DLGAP2: variants seen among roughly 807,000 people sequenced by gnomAD.
DLGAP2 encodes DLG associated protein 2.
DLGAP2 carries 26 observed loss-of-function variants against 100.3 expected under a neutral mutation model. That is an observed-to-expected ratio of 0.26 (90% CI 0.19 to 0.36). The LOEUF (loss-of-function observed/expected upper bound fraction) is 0.36. Among genes scored for constraint, DLGAP2 ranks in the 10% least tolerant of loss-of-function variants. The probability of loss-of-function intolerance (pLI) is 1.00; values close to 1 mark genes in which losing one functional copy is unlikely to be tolerated. For missense variants in DLGAP2, 1,858 were observed against 1,453.2 expected (o/e 1.28, Z -4.53); for synonymous variants, 886 against 630.1 (o/e 1.41, Z -6.08).
intron 3 of DLGAP2, among the ~76,000 whole-genome samples, chr8:1,358,125 A>C (rs922566159): frequency 3.9e-5 from 6 of 152,198 alleles, no homozygotes; most frequent in Non-Finnish European, 2.9e-5. Context: ...GAAGATTGTA[A>C]AATAAAAGAG....
At chr8:988,997 C>A (rs780334177) in intron 2 of DLGAP2, among the ~76,000 whole-genome samples, 26 of 152,192 alleles carry the variant, frequency 1.7e-4, no homozygotes, top group Non-Finnish European at 2.9e-4. Flanking sequence ...GCCTGCACTG[C>A]CTCCGCTCGC....
At chr8:1,132,617 C>T (rs1024910391) in intron 2 of DLGAP2, among the ~76,000 whole-genome samples, 3 of 152,180 alleles carry the variant, frequency 2.0e-5, no homozygotes, top group East Asian at 1.9e-4. Context: ...ATGCTCACAC[C>T]GAAGTTTTGG....
At chr8:1,648,834 G>C (rs934401687) in intron 8 of DLGAP2, among the ~76,000 whole-genome samples, 1 of 152,176 alleles carries the variant, frequency 6.6e-6, no homozygotes, top group African/African-American at 2.4e-5. Flanking sequence ...GGATATCGTG[G>C]GGTTGGCTTC....
chr8:1,691,048 T>A lies in DLGAP2; in HGVS notation c.2705-487T>A, dbSNP rs143275490. ...CCAGGAGATAACTGCCCACAGTTCA[T>A]TAGAAATTATTTAATTGAATCCAAT... On this transcript the variant is annotated intron_variant, in intron 12 of 14. Coordinates refer to ENST00000637795, the MANE Select transcript of DLGAP2 (RefSeq NM_001346810.2). 7.4e-3 allele frequency among the ~76,000 whole-genome samples: 1,127 copies of A among 152,306 alleles called. 15 individuals are homozygous for A. The highest frequency in any genetic ancestry group is 0.025 in the African/African-American group (1,048 of 41,560).
At chr8:1,169,874 T>A (rs1264453124) in intron 2 of DLGAP2, among the ~76,000 whole-genome samples, 1 of 151,926 alleles carries the variant, frequency 6.6e-6, no homozygotes, top group Non-Finnish European at 1.5e-5. Context: ...TAACCTTTAT[T>A]TCCTTCTCCT....
At chr8:843,926 C>T (rs941580680) in intron 1 of DLGAP2, among the ~76,000 whole-genome samples, 1 of 152,152 alleles carries the variant, frequency 6.6e-6, no homozygotes, top group African/African-American at 2.4e-5. Context: ...GTTTTAGACA[C>T]ACTTTAATGG....
chr8:1,183,005 GTGTGT>G (rs1797423947), intron 2 of DLGAP2, among the ~76,000 whole-genome samples: 3 of 152,212 alleles, frequency 2.0e-5, no homozygotes, highest in Admixed American at 2.0e-4. Context: ...GTTCCTGGAA[GTGTGT>G]CACTGCCAGT....
chr8:1,019,295 C>T (rs574416397), intron 2 of DLGAP2: 4 of 152,256 alleles, frequency 2.6e-5, no homozygotes, highest in African/African-American at 7.2e-5. Context: ...AAGCCTCTCT[C>T]TGTGGTGGTT....
At chr8:752,477 C>T (rs1820816098) in intron 1 of DLGAP2, among the ~76,000 whole-genome samples, 1 of 152,154 alleles carries the variant, frequency 6.6e-6, no homozygotes, top group African/African-American at 2.4e-5. Context: ...TGCCGCCAGG[C>T]AGAGGCCTGA....
At chr8:760,095 C>T (rs1175013773) in intron 1 of DLGAP2, among the ~76,000 whole-genome samples, 1 of 152,220 alleles carries the variant, frequency 6.6e-6, no homozygotes, top group African/African-American at 2.4e-5. Flanking sequence ...CCCTGCAGAG[C>T]TGACTGCTGC....
At chr8:1,292,467 G>T (rs1800081374) in intron 3 of DLGAP2, among the ~76,000 whole-genome samples, 1 of 152,162 alleles carries the variant, frequency 6.6e-6, no homozygotes, top group Non-Finnish European at 1.5e-5. Flanking sequence ...TGATCAACTT[G>T]ACTTCTCAGG....
At chr8:1,221,090 C>G (rs146779117) in intron 2 of DLGAP2, among the ~76,000 whole-genome samples, 104 of 152,132 alleles carry the variant, frequency 6.8e-4, no homozygotes, top group Middle Eastern at 6.8e-3. Flanking sequence ...GGGTGTTTAG[C>G]CTGTTTATAT....
chr8:1,566,774 A>G (rs1802420876), intron 6 of DLGAP2, among the ~76,000 whole-genome samples: 1 of 152,242 alleles, frequency 6.6e-6, no homozygotes, highest in Non-Finnish European at 1.5e-5. Context: ...AACCTCTTCC[A>G]ATACATCTAG....
At chr8:1,271,465 G>A (rs1015881350) in intron 3 of DLGAP2, among the ~76,000 whole-genome samples, 1 of 152,110 alleles carries the variant, frequency 6.6e-6, no homozygotes, top group African/African-American at 2.4e-5. Context: ...CACTTCATGT[G>A]TCTTGCCCCA....
chr8:1,088,807 C>G (rs551675868), intron 2 of DLGAP2, among the ~76,000 whole-genome samples: 3 of 91,268 alleles, frequency 3.3e-5, no homozygotes, highest in African/African-American at 1.3e-4. Flanking sequence ...ACCCCACTCT[C>G]TCCACCCCTC....
chr8:1,174,902 G>A (rs1347927162), intron 2 of DLGAP2, among the ~76,000 whole-genome samples: 1 of 152,136 alleles, frequency 6.6e-6, no homozygotes, highest in African/African-American at 2.4e-5. Flanking sequence ...CAGGCAGGAG[G>A]CAGCTCTGAG....
chr8:1,648,596 C>G (rs1798095371), intron 8 of DLGAP2, among the ~76,000 whole-genome samples: 1 of 152,084 alleles, frequency 6.6e-6, no homozygotes, highest in Non-Finnish European at 1.5e-5. Flanking sequence ...CCCCAGGTCC[C>G]CTTCTGCATG....
chr8:1,430,015 T>TATAC (rs1797374906), intron 3 of DLGAP2, among the ~76,000 whole-genome samples: 1 of 90,768 alleles, frequency 1.1e-5, no homozygotes, highest in African/African-American at 4.5e-5. Context: ...TACATATATA[T>TATAC]ATATATATAT....
chr8:1,576,354 G>A (rs1802977817), intron 6 of DLGAP2, among the ~76,000 whole-genome samples: 1 of 152,114 alleles, frequency 6.6e-6, no homozygotes, highest in Non-Finnish European at 1.5e-5. Context: ...GTTCTTTGTA[G>A]ATTCTGGATA....
Sources: allele counts gnomAD v4.1 joint callset (sites outside exome capture counted in the v4.1 genomes callset), GRCh38; gene constraint gnomAD v4.1.1; transcripts MANE v1.5; gene names NCBI Gene and HGNC (gene_info 2026-07-23, HGNC 2026-07-21).